GPC3: variants seen among roughly 807,000 people sequenced by gnomAD.
GPC3 encodes glypican-3.
Under a neutral mutation model 34.4 loss-of-function variants are expected in GPC3, and 3 were observed. The observed-to-expected ratio is 0.09, with a 90% CI of 0.04 to 0.23. The LOEUF (loss-of-function observed/expected upper bound fraction) is 0.23, where lower values mean the gene tolerates loss of function less well. Ranked by LOEUF, GPC3 falls within the 10% of genes least tolerant of loss-of-function variation. GPC3 has a pLI of 1.00. For synonymous variants in GPC3, 177 were observed against 174.0 expected, an observed-to-expected ratio of 1.02 and a Z score of -0.13; for missense variants, 351 against 445.6, an observed-to-expected ratio of 0.79 and a Z score of 1.91.
At chrX:133,740,745 G>A (rs1345625946) in intron 3 of GPC3, among the ~76,000 whole-genome samples, 1 of 111,431 alleles carries the variant, frequency 9.0e-6, no homozygotes, top group Non-Finnish European at 1.9e-5. Flanking sequence ...ATCTGAAAGA[G>A]AGAAAATGTA....
chrX:133,564,408 T>C (rs1345300298), intron 7 of GPC3, among the ~76,000 whole-genome samples: 1 of 111,303 alleles, frequency 9.0e-6, no homozygotes, highest in Non-Finnish European at 1.9e-5. Flanking sequence ...TTGAACCCCA[T>C]TTCTGCATGG....
At position 133,704,381 on chromosome X, in the gene GPC3, G is replaced by A; in HGVS notation, c.1033-4353C>T. The A allele has an allele frequency of 5.8e-6, 2 of 344,813 alleles. 1 individual carries two copies. Among genetic ancestry groups the A allele is most frequent in the South Asian group, 2.1e-4 (2 of 9,635 alleles). The allele number at this position is 344,813 out of a possible 1,213,427, so 28.4% of individuals were successfully genotyped here. ...TATGCCTGAGGAACCTGTAATAAAA[G>A]ACAGATTAAAAAGAGAAATCCATAC... is the stretch of plus-strand genomic sequence containing the variant. On this transcript the variant is annotated intron_variant, in intron 3 of 7. Transcript: ENST00000370818.
chrX:133,640,202 T>C (rs1443775877), intron 6 of GPC3, among the ~76,000 whole-genome samples: 1 of 111,566 alleles, frequency 9.0e-6, no homozygotes, highest in African/African-American at 3.3e-5. Flanking sequence ...CCTTTCTAAA[T>C]CCTAGACATC....
At chrX:133,891,613 AAAATAAATAAAT>A (rs774626195) in intron 2 of GPC3, among the ~76,000 whole-genome samples, 4 of 107,959 alleles carry the variant, frequency 3.7e-5, no homozygotes, top group African/African-American at 1.3e-4. Context: ...ACAAAAAGTA[AAAATAAATAAAT>A]AAATAAATAA....
At chrX:133,601,583 T>A (rs1191579183) in intron 6 of GPC3, among the ~76,000 whole-genome samples, 1 of 112,315 alleles carries the variant, frequency 8.9e-6, no homozygotes, top group Non-Finnish European at 1.9e-5. Flanking sequence ...ACCATTTTTC[T>A]AATATTGAAT....
chrX:133,863,703 C>T (rs916183206), intron 2 of GPC3, among the ~76,000 whole-genome samples: 3 of 91,630 alleles, frequency 3.3e-5, no homozygotes, highest in African/African-American at 1.4e-4. Context: ...GGTCGGACTG[C>T]GGACTGCAGT....
chrX:133,665,916 CT>C (rs1198911365), intron 5 of GPC3, among the ~76,000 whole-genome samples: 1 of 111,851 alleles, frequency 8.9e-6, no homozygotes, highest in African/African-American at 3.3e-5. Flanking sequence ...CTGAAATGAA[CT>C]TCAGGAATGT....
intron 5 of GPC3, among the ~76,000 whole-genome samples, chrX:133,669,831 C>T (rs2070809520): frequency 8.9e-6 from 1 of 112,065 alleles, no homozygotes; most frequent in Non-Finnish European, 1.9e-5. Context: ...GAAGTGTTAC[C>T]TTACATGCGG....
intron 6 of GPC3, among the ~76,000 whole-genome samples, chrX:133,606,971 G>C (rs1189221090): frequency 9.0e-6 from 1 of 111,365 alleles, no homozygotes; most frequent in African/African-American, 3.3e-5. Context: ...TTAACATTCA[G>C]TTATGACCTG....
intron 2 of GPC3, among the ~76,000 whole-genome samples, chrX:133,773,911 A>G (rs964150873): frequency 8.9e-6 from 1 of 111,890 alleles, no homozygotes; most frequent in Admixed American, 9.5e-5. Context: ...AGTTCCCTTC[A>G]AGCATTGTAA....
At chrX:133,633,416 G>T (rs1442047626) in intron 6 of GPC3, among the ~76,000 whole-genome samples, 1 of 112,024 alleles carries the variant, frequency 8.9e-6, no homozygotes, top group Admixed American at 9.5e-5. Flanking sequence ...CTCAGGTATG[G>T]GAGGAAACAC....
At chrX:133,599,067 C>A (rs2069952312) in intron 6 of GPC3, among the ~76,000 whole-genome samples, 1 of 111,917 alleles carries the variant, frequency 8.9e-6, no homozygotes, top group African/African-American at 3.2e-5. Flanking sequence ...TTGTTCCTTT[C>A]CAAGAAAATG....
intron 7 of GPC3, among the ~76,000 whole-genome samples, chrX:133,557,504 C>T (rs988847247): frequency 9.0e-6 from 1 of 110,522 alleles, no homozygotes; most frequent in Non-Finnish European, 1.9e-5. Flanking sequence ...ACAAAACAAA[C>T]CCCAGCATGA....
intron 2 of GPC3, among the ~76,000 whole-genome samples, chrX:133,814,116 G>A (rs1187568489): frequency 9.0e-6 from 1 of 111,337 alleles, no homozygotes; most frequent in Non-Finnish European, 1.9e-5. Context: ...GTGCTTTCAG[G>A]GGACACTTTC....
intron 2 of GPC3, 104 bp downstream of exon 2, chrX:133,952,946 A>T: frequency 1.3e-6 from 1 of 752,537 alleles, no homozygotes; most frequent in Non-Finnish European, 2.1e-6. Flanking sequence ...AGCAAGCATT[A>T]ATGCTGGAAT....
intron 3 of GPC3, among the ~76,000 whole-genome samples, chrX:133,719,629 A>T (rs185423087): frequency 2.7e-5 from 3 of 109,968 alleles, no homozygotes; most frequent in East Asian, 2.8e-4. Context: ...AAAGTATAAT[A>T]AAAAAAAATA....
At chrX:133,893,838 TTTTTGTTTTGTTTTG>T (rs1265459733) in intron 2 of GPC3, among the ~76,000 whole-genome samples, 1 of 111,516 alleles carries the variant, frequency 9.0e-6, no homozygotes, top group African/African-American at 3.3e-5. Flanking sequence ...TTTTGTTTGT[TTTTTGTTTTGTTTTG>T]CTTTGTTTTG....
chrX:133,839,221 A>C (rs2075812806), intron 2 of GPC3, among the ~76,000 whole-genome samples: 1 of 111,681 alleles, frequency 9.0e-6, no homozygotes, highest in Non-Finnish European at 1.9e-5. Flanking sequence ...GGATTTTCAG[A>C]ACCTCTTAGT....
chrX:133,743,897 C>T (rs1204525075), intron 3 of GPC3, among the ~76,000 whole-genome samples: 2 of 111,668 alleles, frequency 1.8e-5, no homozygotes, highest in East Asian at 5.6e-4. Flanking sequence ...AACCTGACAA[C>T]AACAAGCAAT....
Sources: allele counts gnomAD v4.1 joint callset (sites outside exome capture counted in the v4.1 genomes callset), GRCh38; gene constraint gnomAD v4.1.1; transcripts MANE v1.5; gene names NCBI Gene and HGNC (gene_info 2026-07-23, HGNC 2026-07-21).